Variants in RDH12 observed in about 807,000 individuals in gnomAD.
RDH12 encodes the protein all-trans and 9-cis retinol dehydrogenase.
Under a neutral mutation model 34.0 loss-of-function variants are expected in RDH12, and 21 were observed. The ratio of observed to expected loss-of-function variants is 0.62; its 90% CI spans 0.44 to 0.89. RDH12 has a LOEUF of 0.89. RDH12 is among the 40% of genes least tolerant of loss of function. RDH12 has a pLI of 0.00. For synonymous variants in RDH12, 198 were observed against 169.9 expected, an observed-to-expected ratio of 1.17 and a Z score of -1.29; for missense variants, 394 against 398.6, an observed-to-expected ratio of 0.99 and a Z score of 0.10.
chr14:67,725,328 T>C, intron 5 of RDH12, 74 bp downstream of exon 5: 2 of 1,474,020 alleles, frequency 1.4e-6, no homozygotes, highest in East Asian at 2.3e-5. Flanking sequence ...AGACCATCTA[T>C]GGCCCTTACA....
chr14:67,721,894 C>T (rs952524926), intron 2 of RDH12, among the ~76,000 whole-genome samples: 7 of 152,052 alleles, frequency 4.6e-5, no homozygotes, highest in African/African-American at 1.5e-4. Flanking sequence ...ATAGATTCAG[C>T]GCTAGAGTCC....
chr14:67,714,351 G>A (rs1193783924), intron 1 of RDH12, among the ~76,000 whole-genome samples: 1 of 151,860 alleles, frequency 6.6e-6, no homozygotes, highest in African/African-American at 2.4e-5. Context: ...TGTTGCTCTT[G>A]GTCTCAAACT....
At chr14:67,703,330 A>G (rs2037920056) in intron 1 of RDH12, among the ~76,000 whole-genome samples, 1 of 152,208 alleles carries the variant, frequency 6.6e-6, no homozygotes, top group Non-Finnish European at 1.5e-5. Flanking sequence ...TATTTTAAAA[A>G]TCTTTTATCC....
intron 1 of RDH12, among the ~76,000 whole-genome samples, chr14:67,702,374 T>C (rs2140099575): frequency 6.6e-6 from 1 of 152,314 alleles, no homozygotes. Context: ...GGGTATTTTG[T>C]TGATAACTCA....
chr14:67,709,232 A>G (rs956381738), intron 1 of RDH12, among the ~76,000 whole-genome samples: 3 of 152,234 alleles, frequency 2.0e-5, no homozygotes, highest in African/African-American at 7.2e-5. Flanking sequence ...TAAGTTATTC[A>G]TTTAACCAAA....
intron 8 of RDH12, among the ~76,000 whole-genome samples, chr14:67,732,745 T>A (rs564812985): frequency 2.1e-4 from 32 of 152,132 alleles, no homozygotes; most frequent in African/African-American, 7.2e-4. Context: ...CCCGGCTAAT[T>A]GTTTTTTGTA....
intron 8 of RDH12, among the ~76,000 whole-genome samples, chr14:67,731,484 G>A (rs2038274762): frequency 6.6e-6 from 1 of 151,674 alleles, no homozygotes; most frequent in African/African-American, 2.4e-5. Context: ...CAAAGTGCTG[G>A]GATTGCAGGC....
chr14:67,704,287 C>T (rs956125847), intron 1 of RDH12, among the ~76,000 whole-genome samples: 1 of 152,100 alleles, frequency 6.6e-6, no homozygotes. Flanking sequence ...GAGAAAGCCT[C>T]CTAAATCATT....
chr14:67,706,134 G>C (rs1402123841), intron 1 of RDH12: 1 of 152,250 alleles, frequency 6.6e-6, no homozygotes, highest in Non-Finnish European at 1.5e-5. Context: ...CTAAGAAGGA[G>C]AGAACTGGCC....
chr14:67,723,512 G>A (rs1357491300), intron 3 of RDH12, among the ~76,000 whole-genome samples: 1 of 152,178 alleles, frequency 6.6e-6, no homozygotes, highest in Non-Finnish European at 1.5e-5. Flanking sequence ...TGGGATTACA[G>A]GCATGAGCCA....
chr14:67,708,160 T>C (rs996196800), intron 1 of RDH12, among the ~76,000 whole-genome samples: 1 of 152,206 alleles, frequency 6.6e-6, no homozygotes, highest in African/African-American at 2.4e-5. Context: ...CATGGGAGTA[T>C]ACTTTAGTCA....
Position 67,706,724 on chromosome 14 carries a change from G to C in RDH12, c.-275+4789G>C, listed in dbSNP as rs144685236. ...CAGCTTGAATTTTCCCTTTGGCTTT[G>C]TGATTTTGGGGGCCGAGATCTTTTC... On this transcript the variant is annotated intron_variant, in intron 1 of 8. Coordinates refer to ENST00000551171, the MANE Select transcript of RDH12 (RefSeq NM_152443.3). Among the ~76,000 whole-genome samples the C allele has an allele frequency of 1.0e-3, 157 of 152,288 alleles. 1 individual carries two copies. Among genetic ancestry groups the C allele is most frequent in the Non-Finnish European group, 1.6e-3 (110 of 68,008 alleles).
Position 67,733,844 on chromosome 14 carries a change from A to T in RDH12, c.947A>T (p.Glu316Val). The T allele has an allele frequency of 1.2e-6, 2 of 1,610,584 alleles. No homozygotes were observed. The highest frequency in any genetic ancestry group is 1.7e-6 in the Non-Finnish European group (2 of 1,177,354). Residue 316 changes from glutamate to valine, a missense_variant, in exon 9 of 9, where the codon GAG becomes GTG. Coordinates refer to ENST00000551171, the MANE Select transcript of RDH12 (RefSeq NM_152443.3). The part of the protein sequence containing the change: ...VSCELLGIRW[E>V] ...TGTGAGCTTCTAGGAATCCGGTGGG[A>T]GTAGCTGGTGGAAGAGCTGCAGCTT...
chr14:67,727,639 C>T (rs755855254), intron 7 of RDH12: 21 of 213,680 alleles, frequency 9.8e-5, no homozygotes, highest in Admixed American at 4.8e-4. Flanking sequence ...CGCAATATCA[C>T]GCCTGGCTAA....
chr14:67,703,305 G>C (rs1328919799), intron 1 of RDH12, among the ~76,000 whole-genome samples: 1 of 152,202 alleles, frequency 6.6e-6, no homozygotes, highest in Non-Finnish European at 1.5e-5. Context: ...GGGTAAGGTA[G>C]TTCGATGGCA....
At chr14:67,713,673 A>C (rs570313036) in intron 1 of RDH12, among the ~76,000 whole-genome samples, 1 of 152,332 alleles carries the variant, frequency 6.6e-6, no homozygotes, top group East Asian at 1.9e-4. Flanking sequence ...TAATTTGTAA[A>C]GTTTATTTTG....
At chr14:67,707,337 C>T (rs1488952803) in intron 1 of RDH12, among the ~76,000 whole-genome samples, 1 of 152,226 alleles carries the variant, frequency 6.6e-6, no homozygotes. Flanking sequence ...TCTTTTCTCT[C>T]TCCAGTTTCC....
intron 1 of RDH12, among the ~76,000 whole-genome samples, chr14:67,717,399 A>T (rs74061505): frequency 0.03 from 4,515 of 152,336 alleles, 96 homozygotes; most frequent in Middle Eastern, 0.051. Context: ...CTAAGGACAG[A>T]AGGATTAGTA....
At position 67,706,300 on chromosome 14, in the gene RDH12, G is replaced by A. The variant is rs1412445687; in HGVS notation, c.-275+4365G>A. ...TATAATGTCATTTTCTGGATTTTGT[G>A]ATATTTGTAGTGTGAACCCAGAAAA... On this transcript the variant is annotated intron_variant, in intron 1 of 8. Transcript: ENST00000551171. 3 of 152,208 alleles carry A rather than the reference G, an allele frequency of 2.0e-5. No individual in the cohort carries two copies. In the East Asian group the frequency reaches 5.8e-4, roughly 29 times the overall value. 9.4% of individuals were successfully genotyped at this position (152,208 alleles called of 1,614,324 possible). A position where few individuals can be genotyped will look rare whatever the true frequency, so the allele number is the denominator to read the frequency against.
Sources: gnomAD v4.1 joint callset for allele counts (sites outside exome capture counted in the v4.1 genomes callset) on GRCh38, gnomAD v4.1.1 for gene constraint, MANE v1.5 for transcripts, NCBI Gene and HGNC (gene_info 2026-07-23, HGNC 2026-07-21) for gene names.